Variants in MAPKAP1 observed in about 807,000 individuals in gnomAD.
The protein encoded by MAPKAP1 is MAPK associated protein 1.
In MAPKAP1, 20 loss-of-function variants were observed where a neutral mutation model predicts 65.7. That is an observed-to-expected ratio of 0.30 (90% confidence interval 0.21 to 0.44). The LOEUF (loss-of-function observed/expected upper bound fraction) is 0.44, where lower values mean the gene tolerates loss of function less well. Ranked by LOEUF, MAPKAP1 falls within the 20% of genes least tolerant of loss-of-function variation. The pLI is 1.00. For missense variants in MAPKAP1, 423 were observed against 648.0 expected (o/e 0.65, Z 3.77); for synonymous variants, 222 against 244.3 (o/e 0.91, Z 0.85).
intron 1 of MAPKAP1, among the ~76,000 whole-genome samples, chr9:125,688,406 G>A (rs1385942774): frequency 6.6e-6 from 1 of 152,126 alleles, no homozygotes; most frequent in African/African-American, 2.4e-5. Flanking sequence ...CCAAAGTACG[G>A]GGGTTACAGG....
intron 5 of MAPKAP1, among the ~76,000 whole-genome samples, chr9:125,582,092 AC>A (rs763167381): frequency 5.3e-5 from 8 of 152,106 alleles, no homozygotes; most frequent in Non-Finnish European, 1.0e-4. Context: ...CTCAGTATCA[AC>A]TGTCCTTCAG....
At chr9:125,463,003 A>T (rs1303507304) in intron 10 of MAPKAP1, among the ~76,000 whole-genome samples, 3 of 152,204 alleles carry the variant, frequency 2.0e-5, no homozygotes, top group Non-Finnish European at 4.4e-5. Flanking sequence ...ATAAAGAAAA[A>T]GCCAAGCTCT....
intron 7 of MAPKAP1, among the ~76,000 whole-genome samples, chr9:125,533,381 A>C (rs539861371): frequency 6.6e-6 from 1 of 152,322 alleles, no homozygotes; most frequent in African/African-American, 2.4e-5. Flanking sequence ...GATAACATTC[A>C]GTGCTGGTAA....
intron 4 of MAPKAP1, among the ~76,000 whole-genome samples, chr9:125,616,483 T>C (rs1013636381): frequency 1.3e-5 from 2 of 152,132 alleles, no homozygotes; most frequent in African/African-American, 4.8e-5. Flanking sequence ...TATCCAAACA[T>C]ACATTCAAAT....
intron 1 of MAPKAP1, among the ~76,000 whole-genome samples, chr9:125,704,425 G>A (rs1835698001): frequency 6.6e-6 from 1 of 152,022 alleles, no homozygotes. Flanking sequence ...GGTACCTCCT[G>A]GGGACTTCTA....
At chr9:125,597,142 G>A (rs1476923905) in intron 4 of MAPKAP1, among the ~76,000 whole-genome samples, 1 of 151,718 alleles carries the variant, frequency 6.6e-6, no homozygotes, top group Non-Finnish European at 1.5e-5. Context: ...GTGGGCGCCT[G>A]TAGTCCCAGC....
chr9:125,698,304 T>A (rs958552261), intron 1 of MAPKAP1, among the ~76,000 whole-genome samples: 315 of 29,680 alleles, frequency 0.011, 17 homozygotes, highest in African/African-American at 0.035. Context: ...TATATATATA[T>A]ATATATATAT....
At chr9:125,516,146 C>T (rs972755918) in intron 7 of MAPKAP1, among the ~76,000 whole-genome samples, 7 of 152,184 alleles carry the variant, frequency 4.6e-5, no homozygotes, top group Non-Finnish European at 4.4e-5. Context: ...AAGAAGACGC[C>T]GTCTACAAGA....
intron 8 of MAPKAP1, among the ~76,000 whole-genome samples, chr9:125,497,895 A>G (rs369874344): frequency 2.0e-5 from 3 of 152,218 alleles, no homozygotes; most frequent in African/African-American, 4.8e-5. Flanking sequence ...CCTTTCTTCT[A>G]AGGACCTGCA....
At chr9:125,586,949 C>A (rs543513188) in intron 4 of MAPKAP1, among the ~76,000 whole-genome samples, 1 of 152,322 alleles carries the variant, frequency 6.6e-6, no homozygotes, top group Admixed American at 6.5e-5. Context: ...CCTCACACTG[C>A]CTATCTACTC....
At chr9:125,462,745 T>C (rs991879647) in intron 10 of MAPKAP1, among the ~76,000 whole-genome samples, 1 of 152,224 alleles carries the variant, frequency 6.6e-6, no homozygotes, top group African/African-American at 2.4e-5. Flanking sequence ...GTAAGTGAAT[T>C]TGTATAATCT....
intron 7 of MAPKAP1, among the ~76,000 whole-genome samples, chr9:125,526,781 TTTTTC>T (rs1366496957): frequency 6.6e-6 from 1 of 151,496 alleles, no homozygotes; most frequent in Non-Finnish European, 1.5e-5. Context: ...TCTTTTTTCT[TTTTTC>T]TTTTTTTTTT....
At chr9:125,693,478 CATATACACAT>C (rs1428203524) in intron 1 of MAPKAP1, among the ~76,000 whole-genome samples, 3 of 149,460 alleles carry the variant, frequency 2.0e-5, no homozygotes, top group Non-Finnish European at 4.4e-5. Context: ...TATACACACA[CATATACACAT>C]ATATACACAC....
intron 10 of MAPKAP1, among the ~76,000 whole-genome samples, chr9:125,459,627 A>C (rs1194750480): frequency 6.6e-6 from 1 of 152,192 alleles, no homozygotes; most frequent in African/African-American, 2.4e-5. Context: ...AGCCCGGCCA[A>C]CTCAGCGAAA....
At chr9:125,685,923 C>T (rs1834960512) in intron 1 of MAPKAP1, among the ~76,000 whole-genome samples, 2 of 152,140 alleles carry the variant, frequency 1.3e-5, no homozygotes, top group African/African-American at 4.8e-5. Flanking sequence ...ATTTATTTTC[C>T]TTCTATCAGC....
intron 4 of MAPKAP1, among the ~76,000 whole-genome samples, chr9:125,640,600 A>G (rs1385988769): frequency 1.3e-5 from 2 of 152,300 alleles, no homozygotes; most frequent in African/African-American, 2.4e-5. Flanking sequence ...ATATTCCTCA[A>G]TGTCTCATAA....
intron 4 of MAPKAP1, among the ~76,000 whole-genome samples, chr9:125,590,996 A>G (rs1831943032): frequency 6.6e-6 from 1 of 152,014 alleles, no homozygotes; most frequent in Non-Finnish European, 1.5e-5. Flanking sequence ...CTGGTCTCGA[A>G]CTCCTGACCT....
intron 4 of MAPKAP1, among the ~76,000 whole-genome samples, chr9:125,609,093 T>A (rs1832523325): frequency 6.6e-6 from 1 of 152,264 alleles, no homozygotes; most frequent in South Asian, 2.1e-4. Flanking sequence ...TGATGTTTCA[T>A]GTTATATATT....
At chr9:125,589,428 G>GA (rs376377506) in intron 4 of MAPKAP1, among the ~76,000 whole-genome samples, 8 of 152,230 alleles carry the variant, frequency 5.3e-5, no homozygotes, top group Admixed American at 2.6e-4. Flanking sequence ...AGACCCTGAG[G>GA]AAAAAATCTG....
Sources: allele counts gnomAD v4.1 joint callset (sites outside exome capture counted in the v4.1 genomes callset), GRCh38; gene constraint gnomAD v4.1.1; transcripts MANE v1.5; gene names NCBI Gene and HGNC (gene_info 2026-07-23, HGNC 2026-07-21).